Variants in AGBL4 observed in about 807,000 individuals in gnomAD.
AGBL4 encodes the protein AGBL carboxypeptidase 4, also known as cytosolic carboxypeptidase 6.
AGBL4 carries 58 observed loss-of-function variants against 66.4 expected under a neutral mutation model. The observed-to-expected ratio is 0.87, with a 90% confidence interval of 0.71 to 1.09. The LOEUF is 1.09. Among genes scored for constraint, AGBL4 ranks in the 50% least tolerant of loss-of-function variants. The pLI is 0.00. For missense variants in AGBL4, 579 were observed against 631.0 expected (o/e 0.92, Z 0.88); for synonymous variants, 234 against 222.9 (o/e 1.05, Z -0.44).
At chr1:49,740,288 C>G (rs995651210) in intron 2 of AGBL4, among the ~76,000 whole-genome samples, 1 of 151,994 alleles carries the variant, frequency 6.6e-6, no homozygotes, top group Non-Finnish European at 1.5e-5. Context: ...CAACAAAGAT[C>G]AAAAGAGACA....
intron 9 of AGBL4, among the ~76,000 whole-genome samples, chr1:48,633,936 C>G (rs1163244621): frequency 6.6e-6 from 1 of 152,220 alleles, no homozygotes; most frequent in African/African-American, 2.4e-5. Flanking sequence ...GCTGCCTTGT[C>G]CTTGCATATT....
At chr1:49,349,862 A>G (rs1007254838) in intron 3 of AGBL4, among the ~76,000 whole-genome samples, 1 of 152,234 alleles carries the variant, frequency 6.6e-6, no homozygotes, top group Non-Finnish European at 1.5e-5. Flanking sequence ...AGAAAATATT[A>G]GGACACAGAT....
chr1:49,073,919 G>C (rs1014462078), intron 4 of AGBL4, among the ~76,000 whole-genome samples: 2 of 152,170 alleles, frequency 1.3e-5, no homozygotes, highest in African/African-American at 4.8e-5. Flanking sequence ...TCTGACTGGG[G>C]CTGCTGCTTT....
At chr1:49,621,696 T>G (rs997476579) in intron 3 of AGBL4, among the ~76,000 whole-genome samples, 4 of 152,340 alleles carry the variant, frequency 2.6e-5, no homozygotes, top group Non-Finnish European at 4.4e-5. Context: ...GAGGAACCTC[T>G]ACTTTACTTT....
chr1:48,665,459 C>A (rs1197050978), intron 6 of AGBL4, among the ~76,000 whole-genome samples: 2 of 152,118 alleles, frequency 1.3e-5, no homozygotes, highest in African/African-American at 4.8e-5. Context: ...GAAATATCGA[C>A]TCATATTATG....
chr1:48,558,002 AAAAGT>A (rs1557784561), intron 11 of AGBL4, among the ~76,000 whole-genome samples: 1 of 152,194 alleles, frequency 6.6e-6, no homozygotes, highest in Non-Finnish European at 1.5e-5. Flanking sequence ...TGTGGAAAGA[AAAAGT>A]AAAGGAATAA....
chr1:49,684,989 C>T (rs1275092015), intron 3 of AGBL4, among the ~76,000 whole-genome samples: 1 of 152,180 alleles, frequency 6.6e-6, no homozygotes, highest in East Asian at 1.9e-4. Context: ...ATTTCATATA[C>T]AAATTATTTC....
chr1:49,736,610 A>G (rs1649913662), intron 2 of AGBL4, among the ~76,000 whole-genome samples: 1 of 152,164 alleles, frequency 6.6e-6, no homozygotes, highest in Non-Finnish European at 1.5e-5. Context: ...AACCTTGACA[A>G]TGAATTTTTG....
chr1:48,934,635 C>T lies in AGBL4; in HGVS notation c.595-67405G>A, dbSNP rs185359159. ...CAGAATTCCTTATCCCAGGAAAGGGCATCACCACCCACCTGGTTCCTTAAG... is the reference window on the plus strand; with the variant it reads ...CAGAATTCCTTATCCCAGGAAAGGGTATCACCACCCACCTGGTTCCTTAAG... On this transcript the variant is annotated intron_variant, in intron 5 of 13. Transcript: ENST00000371839. Among the ~76,000 whole-genome samples the T allele has an allele frequency of 2.0e-3, 301 of 152,244 alleles. 1 individual carries two copies. Among genetic ancestry groups the T allele is most frequent in the African/African-American group, 6.9e-3 (287 of 41,556 alleles).
intron 4 of AGBL4, among the ~76,000 whole-genome samples, chr1:49,187,849 C>T (rs1647042421): frequency 6.6e-6 from 1 of 152,086 alleles, no homozygotes; most frequent in South Asian, 2.1e-4. Flanking sequence ...TGTGTCCCCA[C>T]CCAAATCTCA....
chr1:48,564,476 G>T (rs941438372), intron 11 of AGBL4, among the ~76,000 whole-genome samples: 1 of 149,500 alleles, frequency 6.7e-6, no homozygotes, highest in African/African-American at 2.5e-5. Context: ...TTTACCTCTG[G>T]GCTCCTCCTC....
At chr1:48,901,996 A>G (rs1043654372) in intron 5 of AGBL4, among the ~76,000 whole-genome samples, 2 of 152,152 alleles carry the variant, frequency 1.3e-5, no homozygotes, top group African/African-American at 4.8e-5. Flanking sequence ...GGCAGCAGAC[A>G]AGAGACGAGA....
chr1:49,703,639 T>C (rs536235905), intron 2 of AGBL4, among the ~76,000 whole-genome samples: 144 of 151,934 alleles, frequency 9.5e-4, no homozygotes, highest in Non-Finnish European at 1.6e-3. Context: ...AATGGTACAA[T>C]ATTTAATTAT....
chr1:48,578,925 A>G (rs1299262507), intron 11 of AGBL4, among the ~76,000 whole-genome samples: 2 of 152,028 alleles, frequency 1.3e-5, no homozygotes, highest in African/African-American at 4.8e-5. Context: ...CTTTTCACCA[A>G]GTTATCAAGC....
intron 5 of AGBL4, among the ~76,000 whole-genome samples, chr1:48,981,843 C>T (rs550678229): frequency 1.3e-5 from 2 of 152,186 alleles, no homozygotes; most frequent in Non-Finnish European, 2.9e-5. Context: ...TTGCAGTGAG[C>T]CAAGATTGTG....
At chr1:48,939,536 G>C (rs1398848547) in intron 5 of AGBL4, among the ~76,000 whole-genome samples, 1 of 152,228 alleles carries the variant, frequency 6.6e-6, no homozygotes, top group Non-Finnish European at 1.5e-5. Flanking sequence ...GGGGAGGAAA[G>C]GCAGGGGCTC....
chr1:49,432,771 T>A (rs965723973), intron 3 of AGBL4, among the ~76,000 whole-genome samples: 2 of 152,178 alleles, frequency 1.3e-5, no homozygotes, highest in African/African-American at 4.8e-5. Context: ...GCTACTAAAA[T>A]CCTTGTAATC....
At chr1:49,957,814 A>G (rs1463567311) in intron 1 of AGBL4, among the ~76,000 whole-genome samples, 2 of 151,952 alleles carry the variant, frequency 1.3e-5, no homozygotes, top group Non-Finnish European at 2.9e-5. Context: ...TGTTTATCCA[A>G]TTTGCCAGTC....
intron 4 of AGBL4, among the ~76,000 whole-genome samples, chr1:49,058,115 G>T (rs968522558): frequency 1.3e-5 from 2 of 152,154 alleles, no homozygotes; most frequent in African/African-American, 4.8e-5. Flanking sequence ...AATCATTCAC[G>T]TGAAGGCTTC....
Sources: gnomAD v4.1 joint callset for allele counts (sites outside exome capture counted in the v4.1 genomes callset) on GRCh38, gnomAD v4.1.1 for gene constraint, MANE v1.5 for transcripts, NCBI Gene and HGNC (gene_info 2026-07-23, HGNC 2026-07-21) for gene names.